The following TFPI variants were observed in gnomAD, a reference collection of about 807,000 sequenced individuals.
TFPI encodes the protein tissue factor pathway inhibitor, also known as anti-convertin.
Under a neutral mutation model 34.6 loss-of-function variants are expected in TFPI, and 15 were observed. The observed-to-expected ratio is 0.43, with a 90% CI of 0.29 to 0.67. The LOEUF (loss-of-function observed/expected upper bound fraction) is 0.67. TFPI is among the 30% of genes least tolerant of loss of function. The pLI, the probability that TFPI is intolerant of heterozygous loss-of-function variation, is 0.15. For synonymous variants in TFPI, 105 were observed against 120.1 expected (o/e 0.87, Z 0.82); for missense variants, 301 against 364.0 (o/e 0.83, Z 1.41).
At chr2:187,468,062 T>G (rs1204478278) in intron 6 of TFPI, 130 bp from the exon 7 acceptor site, 2 of 716,520 alleles carry the variant, frequency 2.8e-6, no homozygotes, top group Non-Finnish European at 4.0e-6. Context: ...AAGGGGTATT[T>G]AATAAAATTC....
chr2:187,488,513 ATTTC>A (rs1171442334), intron 3 of TFPI, 138 bp from the exon 4 acceptor site: 2 of 503,508 alleles, frequency 4.0e-6, no homozygotes, highest in African/African-American at 2.0e-5. Context: ...TAAAAATTGA[ATTTC>A]TTTTTCTTTT....
chr2:187,554,434 CTGTT>C (rs1689200262), exon 1 of TFPI: 1 of 152,190 alleles, frequency 6.6e-6, no homozygotes, highest in African/African-American at 2.4e-5. Context: ...TCGCTGCTGT[CTGTT>C]AGAGCAAAGA....
intron 1 of TFPI, among the ~76,000 whole-genome samples, chr2:187,504,496 GA>G (rs1165205304): frequency 6.7e-6 from 1 of 150,348 alleles, no homozygotes; most frequent in Non-Finnish European, 1.5e-5. Flanking sequence ...CACTCTAAAG[GA>G]ATCAGATTTC....
intron 1 of TFPI, among the ~76,000 whole-genome samples, chr2:187,529,124 A>G (rs1687829209): frequency 1.3e-5 from 2 of 152,214 alleles, no homozygotes; most frequent in African/African-American, 4.8e-5. Flanking sequence ...GCCTCAATGC[A>G]TAAGGATGAA....
intron 2 of TFPI, among the ~76,000 whole-genome samples, chr2:187,498,090 A>G (rs1685607683): frequency 6.6e-6 from 1 of 151,872 alleles, no homozygotes; most frequent in South Asian, 2.1e-4. Flanking sequence ...TATTGAATTA[A>G]ACAGATGAGT....
intron 3 of TFPI, among the ~76,000 whole-genome samples, chr2:187,489,627 A>G (rs1222445117): frequency 1.3e-5 from 2 of 151,542 alleles, no homozygotes; most frequent in Non-Finnish European, 3.0e-5. Context: ...TTCCTGATTT[A>G]CCTATTGACA....
intron 1 of TFPI, among the ~76,000 whole-genome samples, chr2:187,536,503 A>G (rs1362374758): frequency 6.6e-6 from 1 of 152,222 alleles, no homozygotes; most frequent in African/African-American, 2.4e-5. Context: ...ATCTCAATAC[A>G]TGCAGAAGAG....
At chr2:187,519,807 G>T (rs976519530) in intron 1 of TFPI, 3 of 152,278 alleles carry the variant, frequency 2.0e-5, no homozygotes, top group Non-Finnish European at 4.4e-5. Context: ...ATAAGCCCCT[G>T]ACTGGGGCTG....
chr2:187,531,596 A>T (rs770272740), intron 1 of TFPI, among the ~76,000 whole-genome samples: 13 of 152,132 alleles, frequency 8.5e-5, no homozygotes, highest in Non-Finnish European at 1.9e-4. Flanking sequence ...TTATATGATC[A>T]TGATAATCGT....
chr2:187,549,404 G>A (rs138236244), intron 1 of TFPI, among the ~76,000 whole-genome samples: 95 of 152,212 alleles, frequency 6.2e-4, no homozygotes, highest in African/African-American at 2.2e-3. Context: ...TGTAATTTCT[G>A]CTAAAACTCT....
chr2:187,511,141 C>A (rs1012413778), intron 1 of TFPI, among the ~76,000 whole-genome samples: 2 of 152,274 alleles, frequency 1.3e-5, no homozygotes, highest in Non-Finnish European at 2.9e-5. Context: ...GCACGGCAGG[C>A]CCCCGCAGAG....
At chr2:187,532,301 T>A (rs537723917) in intron 1 of TFPI, among the ~76,000 whole-genome samples, 66 of 152,352 alleles carry the variant, frequency 4.3e-4, no homozygotes, top group African/African-American at 1.5e-3. Flanking sequence ...GATGGCTGAA[T>A]AGAAACAGCT....
intron 2 of TFPI, among the ~76,000 whole-genome samples, chr2:187,501,522 A>T (rs1357923693): frequency 1.3e-5 from 2 of 151,974 alleles, no homozygotes; most frequent in African/African-American, 4.8e-5. Context: ...AAGAACAAAC[A>T]CATGTACCTT....
chr2:187,506,140 A>G (rs910260038), intron 1 of TFPI, among the ~76,000 whole-genome samples: 2 of 152,066 alleles, frequency 1.3e-5, no homozygotes, highest in African/African-American at 4.8e-5. Context: ...ACTTCTATAT[A>G]CCATGCAAAA....
At chr2:187,525,770 C>T (rs1687645540) in intron 1 of TFPI, among the ~76,000 whole-genome samples, 1 of 152,060 alleles carries the variant, frequency 6.6e-6, no homozygotes, top group Non-Finnish European at 1.5e-5. Context: ...ACAGAAGGCT[C>T]AGAAGAAACC....
intron 1 of TFPI, among the ~76,000 whole-genome samples, chr2:187,504,182 C>T (rs754879287): frequency 3.3e-5 from 5 of 152,116 alleles, no homozygotes; most frequent in Non-Finnish European, 7.4e-5. Flanking sequence ...AGGCATTTTT[C>T]TATTATTTCT....
chr2:187,478,674 T>C lies in TFPI; in HGVS notation c.628+5450A>G, dbSNP rs138533813. 1.3e-3 allele frequency: 2,057 copies of C among 1,612,328 alleles called. 3 individuals are homozygous for C. Among genetic ancestry groups the C allele is most frequent in the Non-Finnish European group, 1.6e-3 (1,930 of 1,179,522 alleles). ...ATTAAGGAAATGCCAAAAGCACAAA[T>C]ATTAACATAGGCATGAAATGCTATC... is the stretch of plus-strand genomic sequence containing the variant. On this transcript the variant is annotated intron_variant, in intron 6 of 7. Transcript: ENST00000233156.
intron 6 of TFPI, among the ~76,000 whole-genome samples, chr2:187,476,802 A>G (rs1317957087): frequency 2.0e-5 from 3 of 152,186 alleles, no homozygotes; most frequent in Non-Finnish European, 4.4e-5. Context: ...TATTAAATTC[A>G]TATTACAATA....
chr2:187,517,561 T>C (rs1451304433), intron 1 of TFPI: 1 of 152,186 alleles, frequency 6.6e-6, no homozygotes, highest in Non-Finnish European at 1.5e-5. Context: ...TTACATCCAA[T>C]TATGTGGCTA....
Sources: gnomAD v4.1 joint callset for allele counts (sites outside exome capture counted in the v4.1 genomes callset) on GRCh38, gnomAD v4.1.1 for gene constraint, MANE v1.5 for transcripts, NCBI Gene and HGNC (gene_info 2026-07-23, HGNC 2026-07-21) for gene names.